The following SLC2A9 variants were observed in gnomAD, a reference collection of about 807,000 sequenced individuals.
The protein encoded by SLC2A9 is solute carrier family 2 member 9, also known as solute carrier family 2, facilitated glucose transporter member 9.
A neutral mutation model predicts 50.6 loss-of-function variants in SLC2A9; 39 were observed. That is an observed-to-expected ratio of 0.77 (90% CI 0.60 to 1.01). SLC2A9 has a LOEUF of 1.01. SLC2A9 is among the 50% of genes least tolerant of loss of function. The probability of loss-of-function intolerance (pLI) is 0.00; values close to 1 mark genes in which losing one functional copy is unlikely to be tolerated. For missense variants in SLC2A9, 686 were observed against 677.6 expected (o/e 1.01, Z -0.14); for synonymous variants, 324 against 276.9 (o/e 1.17, Z -1.69).
chr4:9,949,327 G>A (rs939969077), intron 5 of SLC2A9, among the ~76,000 whole-genome samples: 1 of 152,168 alleles, frequency 6.6e-6, no homozygotes, highest in African/African-American at 2.4e-5. Context: ...GATAAGAGAT[G>A]CTCCAGCTAG....
intron 10 of SLC2A9, among the ~76,000 whole-genome samples, chr4:9,861,548 G>A (rs1048448173): frequency 2.6e-5 from 4 of 152,100 alleles, no homozygotes; most frequent in Admixed American, 2.0e-4. Context: ...TCCCTCAACA[G>A]AATGTCCATT....
At chr4:10,011,774 A>G (rs1342366672) in intron 2 of SLC2A9, among the ~76,000 whole-genome samples, 3 of 152,242 alleles carry the variant, frequency 2.0e-5, no homozygotes, top group East Asian at 1.9e-4. Flanking sequence ...TCAGCAATAC[A>G]TGAACAAAAG....
At chr4:9,991,164 G>A (rs1051411375) in intron 3 of SLC2A9, among the ~76,000 whole-genome samples, 1 of 152,202 alleles carries the variant, frequency 6.6e-6, no homozygotes, top group African/African-American at 2.4e-5. Context: ...ACCAGGGAGT[G>A]CAGCCTTGCC....
At chr4:9,865,628 C>T (rs1732320388) in intron 10 of SLC2A9, among the ~76,000 whole-genome samples, 1 of 152,190 alleles carries the variant, frequency 6.6e-6, no homozygotes, top group Non-Finnish European at 1.5e-5. Context: ...TGCATAATAG[C>T]TCTCAAGGTG....
intron 6 of SLC2A9, among the ~76,000 whole-genome samples, chr4:9,926,624 G>C (rs1744951800): frequency 6.6e-6 from 1 of 151,888 alleles, no homozygotes; most frequent in Admixed American, 6.6e-5. Context: ...GCCTGGCAGA[G>C]GGTACAAAAT....
chr4:9,776,050 A>G (rs1717520869), downstream of SLC2A9, among the ~76,000 whole-genome samples: 2 of 151,938 alleles, frequency 1.3e-5, no homozygotes, highest in African/African-American at 4.8e-5. Flanking sequence ...CCTAGCCTCC[A>G]CTTGACAGCA....
chr4:9,845,050 G>C (rs182645180), intron 10 of SLC2A9, among the ~76,000 whole-genome samples: 1 of 151,458 alleles, frequency 6.6e-6, no homozygotes, highest in Non-Finnish European at 1.5e-5. Context: ...GTCTCGCTCT[G>C]TTGTCCAGGC....
At chr4:9,879,435 G>T in intron 10 of SLC2A9, 2 of 985,258 alleles carry the variant, frequency 2.0e-6, no homozygotes, top group Non-Finnish European at 2.4e-6. Flanking sequence ...GCTGCCTGTG[G>T]CTCCAGATGG....
chr4:9,800,577 T>G (rs1721261467), intron 3 of SLC2A9, among the ~76,000 whole-genome samples: 1 of 152,230 alleles, frequency 6.6e-6, no homozygotes, highest in Non-Finnish European at 1.5e-5. Flanking sequence ...ACTTTTGTGT[T>G]GTTTAATCCA....
intron 3 of SLC2A9, among the ~76,000 whole-genome samples, chr4:9,991,300 T>C (rs529684596): frequency 6.6e-6 from 1 of 152,316 alleles, no homozygotes; most frequent in South Asian, 2.1e-4. Flanking sequence ...CAATTGACTT[T>C]CTGAGACAAT....
chr4:9,814,402 G>C (rs1291535860), intron 3 of SLC2A9, among the ~76,000 whole-genome samples: 4 of 152,206 alleles, frequency 2.6e-5, no homozygotes, highest in African/African-American at 9.7e-5. Flanking sequence ...GGTCTTGTTT[G>C]GGGATCCAAG....
intron 2 of SLC2A9, among the ~76,000 whole-genome samples, chr4:10,011,770 A>G (rs1761800428): frequency 6.6e-6 from 1 of 152,222 alleles, no homozygotes; most frequent in Non-Finnish European, 1.5e-5. Context: ...ACAATCAGCA[A>G]TACATGAACA....
At chr4:9,961,185 C>T (rs548938566) in intron 5 of SLC2A9, among the ~76,000 whole-genome samples, 99 of 152,240 alleles carry the variant, frequency 6.5e-4, no homozygotes, top group African/African-American at 2.2e-3. Context: ...TCATGCTATG[C>T]CCCTTCCCAC....
intron 3 of SLC2A9, among the ~76,000 whole-genome samples, chr4:9,788,728 G>A (rs1719533394): frequency 2.0e-5 from 3 of 152,070 alleles, no homozygotes; most frequent in Admixed American, 2.0e-4. Flanking sequence ...TGATATTTAG[G>A]TTGCCCTAGA....
chr4:9,955,863 C>T (rs1198197973), intron 5 of SLC2A9, among the ~76,000 whole-genome samples: 10 of 115,354 alleles, frequency 8.7e-5, no homozygotes, highest in Admixed American at 2.0e-4. Context: ...GCTCAAGCAT[C>T]TGGATTTTTT....
At chr4:9,931,345 A>C (rs1745871752) in intron 6 of SLC2A9, among the ~76,000 whole-genome samples, 1 of 152,220 alleles carries the variant, frequency 6.6e-6, no homozygotes, top group Admixed American at 6.5e-5. Context: ...AACTGGGAAA[A>C]AAACCTCTGT....
intron 5 of SLC2A9, among the ~76,000 whole-genome samples, chr4:9,948,917 T>A (rs1220597365): frequency 6.6e-6 from 1 of 152,214 alleles, no homozygotes; most frequent in East Asian, 1.9e-4. Context: ...CATCCACACA[T>A]CTGACAAAAA....
At chr4:10,015,964 AC>A (rs1762538949) in intron 2 of SLC2A9, among the ~76,000 whole-genome samples, 2 of 152,124 alleles carry the variant, frequency 1.3e-5, no homozygotes, top group Non-Finnish European at 2.9e-5. Context: ...GGAAGTAGCT[AC>A]CCAACTGGGG....
chr4:9,906,737 C>T (rs1740747363), intron 8 of SLC2A9, among the ~76,000 whole-genome samples: 1 of 152,204 alleles, frequency 6.6e-6, no homozygotes, highest in East Asian at 1.9e-4. Context: ...AAAAACATCT[C>T]CCGTACTTCC....
Sources: gnomAD v4.1 joint callset for allele counts (sites outside exome capture counted in the v4.1 genomes callset) on GRCh38, gnomAD v4.1.1 for gene constraint, MANE v1.5 for transcripts, NCBI Gene and HGNC (gene_info 2026-07-23, HGNC 2026-07-21) for gene names.